RNF169: variants seen among roughly 807,000 people sequenced by gnomAD.
RNF169 encodes the protein E3 ubiquitin-protein ligase RNF169.
A neutral mutation model predicts 53.9 loss-of-function variants in RNF169; 24 were observed. That is an observed-to-expected ratio of 0.45 (90% CI 0.32 to 0.63). The LOEUF (loss-of-function observed/expected upper bound fraction) is 0.63, where lower values mean the gene tolerates loss of function less well. Ranked by LOEUF, RNF169 falls within the 20% of genes least tolerant of loss-of-function variation. RNF169 has a pLI of 0.04. For missense variants in RNF169, 883 were observed against 906.2 expected (o/e 0.97, Z 0.33); for synonymous variants, 396 against 363.5 (o/e 1.09, Z -1.02).
chr11:74,764,040 G>T (rs1010596483), intron 1 of RNF169, among the ~76,000 whole-genome samples: 1 of 152,080 alleles, frequency 6.6e-6, no homozygotes, highest in African/African-American at 2.4e-5. Flanking sequence ...CAGAAAAGCA[G>T]CAACAAAACC....
At chr11:74,796,575 T>C (rs2035652349) in intron 2 of RNF169, among the ~76,000 whole-genome samples, 1 of 152,236 alleles carries the variant, frequency 6.6e-6, no homozygotes, top group Non-Finnish European at 1.5e-5. Flanking sequence ...TTTGACTTCA[T>C]GGTTCAATAA....
chr11:74,804,712 C>G (rs1288997331), intron 2 of RNF169, among the ~76,000 whole-genome samples: 1 of 152,110 alleles, frequency 6.6e-6, no homozygotes, highest in East Asian at 1.9e-4. Context: ...GAACTTAACT[C>G]TTTTATACCA....
In RNF169 at chr11:74,814,945, T is replaced by C. The variant is rs1262436075; in HGVS notation, c.724-2651T>C. 3.3e-5 allele frequency among the ~76,000 whole-genome samples: 5 copies of C among 152,338 alleles called. No individual in the cohort carries two copies. The East Asian group carries it at 7.7e-4, about 24-fold the overall frequency. Reference sequence around the variant, plus strand: ...TTACAGTTGCCCTCCAGAAGGTTTATATTTATTATAGGTTTATTATGCTCC... The same window carrying C: ...TTACAGTTGCCCTCCAGAAGGTTTACATTTATTATAGGTTTATTATGCTCC... On this transcript the variant is annotated intron_variant, in intron 3 of 5. Coordinates refer to ENST00000299563, the MANE Select transcript of RNF169 (RefSeq NM_001098638.2).
intron 5 of RNF169, among the ~76,000 whole-genome samples, chr11:74,835,105 T>A (rs145804232): frequency 6.6e-6 from 1 of 152,182 alleles, no homozygotes; most frequent in Non-Finnish European, 1.5e-5. Context: ...CACCTCAGCC[T>A]CCCAAGTAGC....
intron 1 of RNF169, among the ~76,000 whole-genome samples, chr11:74,767,971 G>C (rs1035814619): frequency 6.6e-6 from 1 of 152,150 alleles, no homozygotes; most frequent in African/African-American, 2.4e-5. Context: ...GAGCCACTGT[G>C]CCCAGCCACT....
At chr11:74,832,883 G>A (rs1286883110) in intron 4 of RNF169, among the ~76,000 whole-genome samples, 10 of 152,144 alleles carry the variant, frequency 6.6e-5, no homozygotes, top group Non-Finnish European at 5.9e-5. Context: ...TTCTAGGGAT[G>A]CAAATGAATA....
intron 4 of RNF169, among the ~76,000 whole-genome samples, chr11:74,824,046 G>A (rs1373806835): frequency 1.3e-5 from 2 of 152,016 alleles, no homozygotes; most frequent in African/African-American, 4.8e-5. Flanking sequence ...CAGGAAAAAA[G>A]AAACTGATAG....
chr11:74,758,723 C>T (rs1233055734), intron 1 of RNF169, among the ~76,000 whole-genome samples: 1 of 152,104 alleles, frequency 6.6e-6, no homozygotes, highest in Non-Finnish European at 1.5e-5. Context: ...CGGGGATGGT[C>T]TCGATCTCCT....
rs1263927619 is a variant in RNF169 at position 74,836,394 on chromosome 11, T to A, written c.1791T>A (p.Asn597Lys). The A allele has an allele frequency of 6.2e-7, 1 of 1,614,204 alleles. No individual in the cohort carries two copies. The highest frequency in any genetic ancestry group is 8.5e-7 in the Non-Finnish European group (1 of 1,180,028). Residue 597 changes from asparagine to lysine, a missense_variant, in exon 6 of 6, where the codon AAT becomes AAA. Transcript: ENST00000299563. ...CAAAGCAACAATTGAAGACATTAAA[T>A]CATTTTGATCTGACTAATGGTGTTC... ...LKTKQQLKTL[N>K]HFDLTNGVLV...
chr11:74,776,980 T>G (rs1397620153), intron 1 of RNF169, among the ~76,000 whole-genome samples: 1 of 152,030 alleles, frequency 6.6e-6, no homozygotes, highest in Non-Finnish European at 1.5e-5. Flanking sequence ...TAAAAGTTAT[T>G]AAGTGGAAGG....
intron 1 of RNF169, among the ~76,000 whole-genome samples, chr11:74,776,896 A>G (rs2035344084): frequency 6.6e-6 from 1 of 152,206 alleles, no homozygotes. Context: ...AGGATTATTG[A>G]AGGAATAGTA....
chr11:74,824,034 C>A (rs2036057007), intron 4 of RNF169, among the ~76,000 whole-genome samples: 1 of 151,924 alleles, frequency 6.6e-6, no homozygotes. Context: ...ATGACCCATA[C>A]ACAGGAAAAA....
intron 2 of RNF169, 136 bp downstream of exon 2, chr11:74,789,835 C>T: frequency 4.1e-6 from 2 of 488,700 alleles, no homozygotes; most frequent in South Asian, 7.8e-5. Flanking sequence ...TTATACCAGC[C>T]TAGTTAGATT....
intron 1 of RNF169, among the ~76,000 whole-genome samples, chr11:74,749,948 G>A (rs1303108088): frequency 6.6e-6 from 1 of 152,146 alleles, no homozygotes; most frequent in Non-Finnish European, 1.5e-5. Flanking sequence ...TTGGCACATA[G>A]TGAGGAAGCA....
At chr11:74,834,825 C>A in intron 5 of RNF169, 50 bp downstream of exon 5, 3 of 1,212,002 alleles carry the variant, frequency 2.5e-6, no homozygotes, top group Non-Finnish European at 2.4e-6. Context: ...GCCCCATCAC[C>A]CCCTCTGCAC....
At chr11:74,794,944 AG>A (rs2035625783) in intron 2 of RNF169, among the ~76,000 whole-genome samples, 1 of 151,942 alleles carries the variant, frequency 6.6e-6, no homozygotes, top group Non-Finnish European at 1.5e-5. Context: ...AAAGTATAGG[AG>A]CACACCACCA....
intron 3 of RNF169, among the ~76,000 whole-genome samples, chr11:74,815,397 A>T (rs968314347): frequency 3.3e-5 from 5 of 152,074 alleles, no homozygotes; most frequent in Non-Finnish European, 1.5e-5. Flanking sequence ...CTCTACCAAA[A>T]ATAGAAAAAT....
intron 1 of RNF169, among the ~76,000 whole-genome samples, chr11:74,785,199 TATA>T (rs2035475814): frequency 1.7e-5 from 2 of 116,090 alleles, no homozygotes; most frequent in South Asian, 2.5e-4. Flanking sequence ...ATATATATGA[TATA>T]TATATATGAT....
At chr11:74,820,949 C>T (rs1046441010) in intron 4 of RNF169, among the ~76,000 whole-genome samples, 2 of 152,088 alleles carry the variant, frequency 1.3e-5, no homozygotes, top group Non-Finnish European at 2.9e-5. Flanking sequence ...ATTCATCCTG[C>T]AAAATGTGTG....
Sources: gnomAD v4.1 joint callset for allele counts (sites outside exome capture counted in the v4.1 genomes callset) on GRCh38, gnomAD v4.1.1 for gene constraint, MANE v1.5 for transcripts, NCBI Gene and HGNC (gene_info 2026-07-23, HGNC 2026-07-21) for gene names.